Variants in PCDH15 observed in about 807,000 individuals in gnomAD.
PCDH15 encodes protocadherin related 15, also known as protocadherin-15.
A neutral mutation model predicts 178.5 loss-of-function variants in PCDH15; 129 were observed. That is an observed-to-expected ratio of 0.72 (90% CI 0.63 to 0.84). The LOEUF (loss-of-function observed/expected upper bound fraction) is 0.84, where lower values mean the gene tolerates loss of function less well. PCDH15 is among the 40% of genes least tolerant of loss of function. PCDH15 has a pLI of 0.00. For missense variants in PCDH15, 2,230 were observed against 2,099.9 expected, an observed-to-expected ratio of 1.06 and a Z score of -1.21; for synonymous variants, 800 against 732.0, an observed-to-expected ratio of 1.09 and a Z score of -1.50.
chr10:54,446,706 G>C (rs940404148), intron 3 of PCDH15, among the ~76,000 whole-genome samples: 2 of 151,312 alleles, frequency 1.3e-5, no homozygotes, highest in Non-Finnish European at 3.0e-5. Flanking sequence ...CCTTGTAATT[G>C]GGCCCCTTGA....
At chr10:55,412,879 T>TCACACACACACACACACA (rs71014485) in intron 2 of PCDH15, among the ~76,000 whole-genome samples, 5 of 134,744 alleles carry the variant, frequency 3.7e-5, no homozygotes, top group African/African-American at 1.3e-4. Context: ...TCAACAATAA[T>TCACACACACACACACACA]CACACACACA....
chr10:55,530,918 C>T (rs1841438050), intron 2 of PCDH15, among the ~76,000 whole-genome samples: 1 of 151,964 alleles, frequency 6.6e-6, no homozygotes, highest in Admixed American at 6.6e-5. Flanking sequence ...TTCAACTATA[C>T]ATTCAGTGAT....
At chr10:53,875,308 A>G (rs2080146689) in intron 26 of PCDH15, among the ~76,000 whole-genome samples, 1 of 149,100 alleles carries the variant, frequency 6.7e-6, no homozygotes, top group Non-Finnish European at 1.5e-5. Flanking sequence ...ATTTTGGGAA[A>G]ATTCATAGAG....
intron 1 of PCDH15, among the ~76,000 whole-genome samples, chr10:55,215,569 CTG>C (rs548774013): frequency 6.6e-6 from 1 of 152,104 alleles, no homozygotes; most frequent in South Asian, 2.1e-4. Context: ...AAATTTAAGA[CTG>C]TATTAGGTAG....
Position 55,539,364 on chromosome 10 carries a change from GATC to G in PCDH15, c.-156+88258_-156+88260del, listed in dbSNP as rs140535740. ...TCATTATCATCATCATTATCATTAT[GATC>G]ATCATCTTTTCTCAGACATCTACTA... On this transcript the variant is annotated intron_variant, in intron 2 of 5. Transcript: ENST00000613346. 4.7e-3 allele frequency among the ~76,000 whole-genome samples: 712 copies of G among 151,766 alleles called. 6 individuals carry two copies. The highest frequency in any genetic ancestry group is 0.016 in the African/African-American group (678 of 41,376).
In PCDH15 at chr10:55,262,526, G is replaced by GA. The variant is rs981184081; in HGVS notation, c.-156+57072dup. On this transcript the variant is annotated intron_variant, in intron 1 of 5. Coordinates refer to the PCDH15 transcript ENST00000458638. ...CGCATAAGCGGCTGAATATTGAGAA[G>GA]AACACATCGGTGGAAGAGTACACTA... is the stretch of plus-strand genomic sequence containing the variant. Among the ~76,000 whole-genome samples the GA allele has an allele frequency of 3.0e-3, 458 of 152,276 alleles. 4 individuals carry two copies. The highest frequency in any genetic ancestry group is 0.01 in the African/African-American group (431 of 41,548).
chr10:54,879,237 T>C (rs1464228186), intron 3 of PCDH15, among the ~76,000 whole-genome samples: 1 of 151,998 alleles, frequency 6.6e-6, no homozygotes, highest in Non-Finnish European at 1.5e-5. Flanking sequence ...TATGTGTGTG[T>C]GTTTAGTCTT....
intron 2 of PCDH15, among the ~76,000 whole-genome samples, chr10:55,545,199 C>T (rs1589128024): frequency 6.6e-6 from 1 of 151,740 alleles, no homozygotes; most frequent in Admixed American, 6.6e-5. Flanking sequence ...ATCTGTGTCA[C>T]TCAAGTCACT....
At position 54,327,755 on chromosome 10, in the gene PCDH15, C is replaced by A. The variant is rs372036184; in HGVS notation, c.705+1841G>T. On this transcript the variant is annotated intron_variant, in intron 7 of 37. Coordinates refer to ENST00000644397, the MANE Select transcript of PCDH15 (RefSeq NM_001384140.1). ...CTATCTATCTGTTCTGCTGTATGAG[C>A]AAGATTACAACGCTTAGGAGTCATT... Among the ~76,000 whole-genome samples, 48 of 152,010 alleles carry A rather than the reference C, an allele frequency of 3.2e-4. 3 individuals are homozygous for A. In the South Asian group the frequency reaches 9.9e-3, roughly 31 times the overall value.
intron 3 of PCDH15, among the ~76,000 whole-genome samples, chr10:54,829,679 G>C (rs531506203): frequency 2.6e-5 from 4 of 152,064 alleles, no homozygotes; most frequent in African/African-American, 7.2e-5. Context: ...TTCCTCACTA[G>C]GCTTCCATGT....
chr10:53,968,431 C>G (rs1244804853), intron 21 of PCDH15, among the ~76,000 whole-genome samples: 2 of 152,180 alleles, frequency 1.3e-5, no homozygotes, highest in Non-Finnish European at 2.9e-5. Flanking sequence ...GGGGGCAGGG[C>G]AGAGCTGAAC....
intron 3 of PCDH15, among the ~76,000 whole-genome samples, chr10:54,833,047 C>T (rs1006147547): frequency 6.6e-6 from 1 of 152,208 alleles, no homozygotes; most frequent in South Asian, 2.1e-4. Flanking sequence ...TATTTATTTA[C>T]TTATTTACAA....
chr10:55,408,444 A>G (rs1838256326), intron 2 of PCDH15, among the ~76,000 whole-genome samples: 1 of 152,048 alleles, frequency 6.6e-6, no homozygotes, highest in Admixed American at 6.6e-5. Context: ...TTGGCATCCC[A>G]AAGTGTTGGA....
intron 1 of PCDH15, among the ~76,000 whole-genome samples, chr10:55,175,804 C>T (rs1591966383): frequency 6.6e-6 from 1 of 151,978 alleles, no homozygotes; most frequent in South Asian, 2.1e-4. Flanking sequence ...GAGAAAAAGG[C>T]AGAGGTTCTA....
At chr10:55,090,278 C>A (rs2132034849) in intron 2 of PCDH15, among the ~76,000 whole-genome samples, 1 of 151,932 alleles carries the variant, frequency 6.6e-6, no homozygotes, top group Middle Eastern at 3.4e-3. Context: ...TTAAAAAATA[C>A]CAAAACAAGA....
At chr10:54,626,549 C>T (rs1590658041) in intron 2 of PCDH15, among the ~76,000 whole-genome samples, 1 of 152,194 alleles carries the variant, frequency 6.6e-6, no homozygotes, top group East Asian at 1.9e-4. Context: ...GGTGTTGAGC[C>T]TGCAAGTGTA....
rs368234183 is a variant in PCDH15 at position 55,183,689 on chromosome 10, T to C, written c.-155-17038A>G. Among the ~76,000 whole-genome samples, 3 of 146,436 alleles carry C rather than the reference T, an allele frequency of 2.0e-5. No individual in the cohort carries two copies. The South Asian group carries it at 6.6e-4, about 32-fold the overall frequency. Reference sequence around the variant, plus strand: ...AACATTAAAACCTATTTTTTTTTTCTAATTGAAAAAGAATGGTTTATGCTA... The same window carrying C: ...AACATTAAAACCTATTTTTTTTTTCCAATTGAAAAAGAATGGTTTATGCTA... On this transcript the variant is annotated intron_variant, in intron 1 of 5. Transcript: ENST00000458638.
chr10:54,404,067 T>A (rs1166806352), intron 3 of PCDH15, among the ~76,000 whole-genome samples: 1 of 152,008 alleles, frequency 6.6e-6, no homozygotes, highest in African/African-American at 2.4e-5. Flanking sequence ...TTCAATGTTA[T>A]TTCTATTAAA....
intron 8 of PCDH15, among the ~76,000 whole-genome samples, chr10:54,301,416 G>A (rs1378605827): frequency 6.6e-6 from 1 of 152,130 alleles, no homozygotes; most frequent in Non-Finnish European, 1.5e-5. Flanking sequence ...CCAACACAAA[G>A]ATATTCCATT....
Sources: gnomAD v4.1 joint callset for allele counts (sites outside exome capture counted in the v4.1 genomes callset) on GRCh38, gnomAD v4.1.1 for gene constraint, MANE v1.5 for transcripts, NCBI Gene and HGNC (gene_info 2026-07-23, HGNC 2026-07-21) for gene names.